The following CHFR variants were observed in gnomAD, a reference collection of about 807,000 sequenced individuals.
CHFR encodes the protein checkpoint with forkhead and ring finger domains, also known as E3 ubiquitin-protein ligase CHFR.
A neutral mutation model predicts 87.6 loss-of-function variants in CHFR; 57 were observed. The ratio of observed to expected loss-of-function variants is 0.65; its 90% CI spans 0.53 to 0.81. CHFR has a LOEUF of 0.81. Among genes scored for constraint, CHFR ranks in the 30% least tolerant of loss-of-function variants. The pLI, the probability that CHFR is intolerant of heterozygous loss-of-function variation, is 0.00. For missense variants in CHFR, 797 were observed against 865.8 expected (o/e 0.92, Z 1.00); for synonymous variants, 381 against 359.2 (o/e 1.06, Z -0.69).
chr12:132,872,617 C>T (rs1048531513), intron 3 of CHFR, among the ~76,000 whole-genome samples: 1 of 152,168 alleles, frequency 6.6e-6, no homozygotes, highest in African/African-American at 2.4e-5. Context: ...AGCCACTACA[C>T]CTCCTCACGT....
rs563815232 is a variant in CHFR, at chr12:132,834,004, G to C, written c.*7550C>G. The C allele has an allele frequency of 1.3e-5, 2 of 152,456 alleles. No individual in the cohort carries two copies. The highest frequency in any genetic ancestry group is 4.8e-5 in the African/African-American group (2 of 41,540). 9.4% of individuals were successfully genotyped at this position (152,456 alleles called of 1,614,324 possible). On this transcript the variant is annotated 3_prime_UTR_variant, in exon 18 of 18. Transcript: ENST00000450056. Reference sequence around the variant, plus strand: ...ATCTGGGAGAAGAGCAGTGAGGTGAGGGGGCAACAATCAGAGCCACAAGAA... The same window carrying C: ...ATCTGGGAGAAGAGCAGTGAGGTGACGGGGCAACAATCAGAGCCACAAGAA...
chr12:132,854,380 G>A (rs1213665065), intron 10 of CHFR: 1 of 152,234 alleles, frequency 6.6e-6, no homozygotes, highest in Non-Finnish European at 1.5e-5. Flanking sequence ...GTCACACTCT[G>A]TGACTCGACT....
Position 132,853,593 on chromosome 12 carries a change from C to T in CHFR, c.1230-20G>A, listed in dbSNP as rs1252537352. On this transcript the variant is annotated intron_variant, in intron 10 of 17. Transcript: ENST00000450056. ...GGCTGGCTGCAAGGAAGCACAGGGC[C>T]GAGCTGTGTGCAGGCCCCAAGCCTC... The T allele has an allele frequency of 1.3e-6, 2 of 1,519,764 alleles. No individual in the cohort carries two copies. The allele number at this position is 1,519,764 out of a possible 1,614,324, so 94.1% of individuals were successfully genotyped here.
chr12:132,870,840 C>A, intron 4 of CHFR, 57 bp from the exon 5 acceptor site: 2 of 1,073,478 alleles, frequency 1.9e-6, no homozygotes, highest in South Asian at 2.6e-5. Context: ...ACTGAGAACT[C>A]ATTTTTCTCT....
rs1950756431 is a variant in CHFR at position 132,844,013 on chromosome 12, CG to C, written c.1843+13del. 2 of 1,564,168 alleles carry C rather than the reference CG, an allele frequency of 1.3e-6. No homozygotes were observed. The highest frequency in any genetic ancestry group is 2.2e-5 in the East Asian group (1 of 44,584). On this transcript the variant is annotated intron_variant, in intron 16 of 17. Coordinates refer to ENST00000450056, the MANE Select transcript of CHFR (RefSeq NM_001161346.2). ...GACAGAACTAGAGCCATGAGGAAGT[CG>C]GGGGCTCCTTACCTGGCAACTCGGA...
intron 2 of CHFR, among the ~76,000 whole-genome samples, chr12:132,880,219 A>T (rs1018157131): frequency 6.6e-6 from 1 of 152,218 alleles, no homozygotes; most frequent in East Asian, 1.9e-4. Flanking sequence ...GACAGAGACA[A>T]ATGTAAAATC....
Position 132,869,693 on chromosome 12 carries a change from G to A in CHFR, c.509C>T (p.Ser170Leu). 1 of 1,551,738 alleles carries A rather than the reference G, an allele frequency of 6.4e-7. No homozygotes were observed. Among genetic ancestry groups the A allele is most frequent in the Non-Finnish European group, 8.7e-7 (1 of 1,147,000 alleles). ...GGCCGAGGCTGTGGGGAAGAGGTCT[G>A]ACGTCGATGTTGATGGCTGTGGTTC... The part of the protein sequence containing the change: ...FEEPQPSTST[S>L]DLFPTASASS... The change falls in exon 6 of 18, where the codon TCA (serine) becomes TTA (leucine). Residue 170 changes from serine to leucine, a missense_variant. By Grantham distance (145) the Ser-to-Leu change is moderately radical (BLOSUM62 -2). This residue lies in a region of CHFR where 597 missense variants were observed against 601.2 expected (regional missense o/e 0.99). Transcript: ENST00000450056.
At chr12:132,865,134 C>A (rs889804975) in intron 6 of CHFR, among the ~76,000 whole-genome samples, 1 of 152,222 alleles carries the variant, frequency 6.6e-6, no homozygotes, top group East Asian at 1.9e-4. Context: ...ACTTGAAACG[C>A]TGTGGGCCAC....
chr12:132,853,697 GA>G, intron 10 of CHFR, 124 bp from the exon 11 acceptor site: 1 of 1,209,026 alleles, frequency 8.3e-7, no homozygotes, highest in Non-Finnish European at 1.1e-6. Flanking sequence ...GGTGTGAGGG[GA>G]AGGGCCGGGC....
intron 2 of CHFR, among the ~76,000 whole-genome samples, chr12:132,883,973 A>G (rs1951827426): frequency 1.3e-5 from 2 of 152,056 alleles, no homozygotes; most frequent in South Asian, 4.1e-4. Context: ...CCAAAAAACT[A>G]GCCAGGTGTG....
intron 14 of CHFR, chr12:132,847,629 A>G: frequency 9.3e-7 from 1 of 1,079,030 alleles, no homozygotes; most frequent in Non-Finnish European, 1.1e-6. Flanking sequence ...CTGTCAGCAA[A>G]GTGCTCGGCA....
Position 132,850,332 on chromosome 12 carries a change from C to T in CHFR, c.1492+1286G>A, listed in dbSNP as rs185310827. 1.4e-4 allele frequency among the ~76,000 whole-genome samples: 22 copies of T among 152,290 alleles called. No individual in the cohort carries two copies. The East Asian group carries it at 4.0e-3, about 28-fold the overall frequency. On this transcript the variant is annotated intron_variant, in intron 12 of 17. Transcript: ENST00000450056. ...GAGTCCTTAAGTCTTATAACGCCTA[C>T]GACCACTTCACCAATGCCTCTATAT...
intron 3 of CHFR, among the ~76,000 whole-genome samples, chr12:132,873,793 C>T (rs1045570075): frequency 1.3e-5 from 2 of 152,228 alleles, no homozygotes; most frequent in Non-Finnish European, 2.9e-5. Context: ...CCCCCAGATG[C>T]CGAGGGGCGA....
chr12:132,877,371 T>C (rs1389793206), intron 3 of CHFR, among the ~76,000 whole-genome samples, 184 bp downstream of exon 3: 1 of 152,198 alleles, frequency 6.6e-6, no homozygotes, highest in Non-Finnish European at 1.5e-5. Context: ...GTCTGACACA[T>C]TTCTCAGACT....
At position 132,873,847 on chromosome 12, in the gene CHFR, T is replaced by G. The variant is rs557287128; in HGVS notation, c.234-1453A>C. Among the ~76,000 whole-genome samples the G allele has an allele frequency of 2.6e-5, 4 of 152,336 alleles. No homozygotes were observed. The South Asian group carries it at 8.3e-4, about 32-fold the overall frequency. On this transcript the variant is annotated intron_variant, in intron 3 of 17. Coordinates refer to ENST00000450056, the MANE Select transcript of CHFR (RefSeq NM_001161346.2). ...CTCCTGTTCTTTCCAAACAAAAATC[T>G]GATTATTTCACTCCTCCGCTTACAC...
In CHFR at chr12:132,848,690, G is replaced by A. The variant is rs759242088; in HGVS notation, c.1527C>T (p.Tyr509=). 9 of 1,594,648 alleles carry A rather than the reference G, an allele frequency of 5.6e-6. No individual in the cohort carries two copies. Among genetic ancestry groups the A allele is most frequent in the Non-Finnish European group, 6.8e-6 (8 of 1,170,888 alleles). The change falls in exon 13 of 18, where the codon TAC becomes TAT. Residue 509 remains tyrosine (Y), a synonymous_variant. Coordinates refer to ENST00000450056, the MANE Select transcript of CHFR (RefSeq NM_001161346.2). The stretch of plus-strand genomic sequence containing the variant: ...AGCAGCCGGTCCGGGTGCAGCCCCA[G>A]TACAGGTGGCAGAAAGGCTGCAGGC... ...AVCLQPFCHL[Y]WGCTRTGCYG...
chr12:132,869,761 G>C lies in CHFR; in HGVS notation c.441C>G (p.Pro147=), dbSNP rs547367271. 1,133 of 1,551,480 alleles carry C rather than the reference G, an allele frequency of 7.3e-4. No homozygotes were observed. The highest frequency in any genetic ancestry group is 1.6e-3 in the Admixed American group (82 of 50,998). ...SGAGAGRGAD[P]RVPPSSPATQ... is the part of the protein sequence containing the mutation. The stretch of plus-strand genomic sequence containing the variant: ...TGGCGGGCGACGACGGAGGGACCCG[G>C]GGATCGGCCCCTCGCCCTGCACCTG... Residue 147 remains proline, a synonymous_variant, in exon 6 of 18, where the codon CCC becomes CCG. Coordinates refer to ENST00000450056, the MANE Select transcript of CHFR (RefSeq NM_001161346.2).
At position 132,857,418 on chromosome 12, in the gene CHFR, G is replaced by A. The variant is rs143181439; in HGVS notation, c.1053C>T (p.Leu351=). Residue 351 remains leucine, a synonymous_variant, in exon 9 of 18, where the codon CTC becomes CTT. Transcript: ENST00000450056. Reference sequence around the variant, plus strand: ...GCCCTCACTTGCCTGGATGCTGGATGAGGTATGCTTCCACGAGGTTGTTGA... The same window carrying A: ...GCCCTCACTTGCCTGGATGCTGGATAAGGTATGCTTCCACGAGGTTGTTGA... The part of the protein sequence containing the change: ...HILNNLVEAY[L]IQHPDKSRSE... The A allele has an allele frequency of 2.5e-6, 4 of 1,614,076 alleles. No individual in the cohort carries two copies. Among genetic ancestry groups the A allele is most frequent in the African/African-American group, 1.3e-5 (1 of 74,948 alleles).
In CHFR at chr12:132,869,775, G is replaced by A; in HGVS notation, c.427C>T (p.Arg143Ter). 6.4e-7 allele frequency: 1 copy of A among 1,551,294 alleles called. No individual in the cohort carries two copies. ...SFDTSGAGAGRGADPRVPPSS... is the reference protein window; with the variant it reads ...SFDTSGAGAG Reference sequence around the variant, plus strand: ...GGAGGGACCCGGGGATCGGCCCCTCGCCCTGCACCTGCACCTGAGGTATCT... The same window carrying A: ...GGAGGGACCCGGGGATCGGCCCCTCACCCTGCACCTGCACCTGAGGTATCT... Residue 143 changes from arginine (R) to a stop codon, truncating the protein, a stop_gained, in exon 6 of 18, where the codon CGA becomes TGA. Transcript: ENST00000450056. LOFTEE classifies it high-confidence loss of function.
Sources: gnomAD v4.1 joint callset for allele counts (sites outside exome capture counted in the v4.1 genomes callset) on GRCh38, gnomAD v4.1.1 for gene constraint, gnomAD v4.1.1 regional missense constraint, MANE v1.5 for transcripts, NCBI Gene and HGNC (gene_info 2026-07-23, HGNC 2026-07-21) for gene names.